ENOX1: variants seen among roughly 807,000 people sequenced by gnomAD.
ENOX1 encodes the protein ecto-NOX disulfide-thiol exchanger 1.
In ENOX1, 42 loss-of-function variants were observed where a neutral mutation model predicts 82.5. That is an observed-to-expected ratio of 0.51 (90% CI 0.40 to 0.66). The LOEUF is 0.66. Ranked by LOEUF, ENOX1 falls within the 30% of genes least tolerant of loss-of-function variation. ENOX1 has a pLI of 0.00. For synonymous variants in ENOX1, 271 were observed against 282.2 expected (o/e 0.96, Z 0.40); for missense variants, 608 against 811.6 (o/e 0.75, Z 3.05).
chr13:43,462,659 G>A lies in ENOX1; in HGVS notation c.-75+21350C>T, dbSNP rs143099277. ...AACATTATGTGCAAACAAATTCTTC[G>A]AGAGGGTAGCAAATAAAGTTTATGT... is the stretch of plus-strand genomic sequence containing the variant. On this transcript the variant is annotated intron_variant, in intron 3 of 16. Transcript: ENST00000690772. 3.9e-3 allele frequency among the ~76,000 whole-genome samples: 591 copies of A among 152,256 alleles called. 4 individuals carry two copies. The highest frequency in any genetic ancestry group is 0.013 in the African/African-American group (542 of 41,536).
chr13:43,706,112 CAT>C (rs1440361676), intron 1 of ENOX1, among the ~76,000 whole-genome samples: 2 of 151,508 alleles, frequency 1.3e-5, no homozygotes, highest in African/African-American at 2.4e-5. Context: ...ATAATAATAA[CAT>C]ATAAAAATGT....
rs1339627033 is a variant in ENOX1, at chr13:43,344,583, C to T, written c.991G>A (p.Ala331Thr). Residue 331 changes from alanine to threonine, a missense_variant, in exon 9 of 17, where the codon GCC (alanine) becomes ACC (threonine). Ala to Thr is a moderately conservative substitution (Grantham distance 58). Transcript: ENST00000690772. ...AAGGCATTTTTAAAATTCTCCTTGG[C>T]TTCCTCCATCTCTTGCTCATGGGTG... ...KATHEQEMEEAKENFKNALTG... is the reference protein window; with the variant it reads ...KATHEQEMEETKENFKNALTG... 6.2e-7 allele frequency: 1 copy of T among 1,614,180 alleles called. No individual in the cohort carries two copies. Among genetic ancestry groups the T allele is most frequent in the Non-Finnish European group, 8.5e-7 (1 of 1,180,026 alleles).
chr13:43,729,205 C>CAAA (rs1452520891), intron 1 of ENOX1, among the ~76,000 whole-genome samples: 3 of 152,102 alleles, frequency 2.0e-5, no homozygotes, highest in Non-Finnish European at 4.4e-5. Flanking sequence ...AATATGTACT[C>CAAA]TGGATGTAAT....
intron 1 of ENOX1, among the ~76,000 whole-genome samples, chr13:43,747,150 T>C (rs1352736487): frequency 6.6e-6 from 1 of 152,140 alleles, no homozygotes. Context: ...CACTTCAGAT[T>C]CCTAGTCTGA....
chr13:43,507,114 A>G (rs939899258), intron 2 of ENOX1, among the ~76,000 whole-genome samples: 2 of 151,938 alleles, frequency 1.3e-5, no homozygotes, highest in African/African-American at 4.8e-5. Context: ...CAATATAAAG[A>G]AAATTGTGTT....
chr13:43,555,277 A>G (rs1364647695), intron 2 of ENOX1, among the ~76,000 whole-genome samples: 1 of 152,254 alleles, frequency 6.6e-6, no homozygotes, highest in African/African-American at 2.4e-5. Context: ...CATCAGCCGT[A>G]TATGTGTCCT....
intron 3 of ENOX1, among the ~76,000 whole-genome samples, chr13:43,453,468 G>C (rs2057072378): frequency 6.6e-6 from 1 of 152,138 alleles, no homozygotes; most frequent in African/African-American, 2.4e-5. Context: ...TGACAGAGTG[G>C]ATTTCACCTT....
At chr13:43,688,847 C>T (rs1275300035) in intron 1 of ENOX1, among the ~76,000 whole-genome samples, 2 of 152,146 alleles carry the variant, frequency 1.3e-5, no homozygotes, top group Non-Finnish European at 2.9e-5. Flanking sequence ...CAAGATGTGT[C>T]TAATAAGCAG....
intron 2 of ENOX1, among the ~76,000 whole-genome samples, chr13:43,620,821 C>A (rs1466549742): frequency 6.6e-6 from 1 of 152,060 alleles, no homozygotes; most frequent in Non-Finnish European, 1.5e-5. Context: ...GTCTTGATGA[C>A]CTGCCTAGTG....
chr13:43,668,442 A>T (rs1032521), intron 1 of ENOX1, among the ~76,000 whole-genome samples: 31,112 of 152,112 alleles, frequency 0.2, 4,077 homozygotes, highest in African/African-American at 0.37. Context: ...TCTGGAAACA[A>T]ATATTCTACT....
intron 14 of ENOX1, among the ~76,000 whole-genome samples, chr13:43,243,582 C>T (rs1414273057): frequency 6.6e-6 from 1 of 152,210 alleles, no homozygotes; most frequent in Non-Finnish European, 1.5e-5. Flanking sequence ...GCCACTGCAC[C>T]TGGCAGATTT....
At chr13:43,654,191 G>C (rs1301983225) in intron 2 of ENOX1, among the ~76,000 whole-genome samples, 2 of 152,138 alleles carry the variant, frequency 1.3e-5, no homozygotes, top group East Asian at 3.9e-4. Flanking sequence ...ATCAGGTGAA[G>C]GCCTTAAGAG....
intron 3 of ENOX1, among the ~76,000 whole-genome samples, chr13:43,471,440 G>GT (rs2058062986): frequency 1.3e-5 from 2 of 152,042 alleles, no homozygotes; most frequent in Admixed American, 1.3e-4. Flanking sequence ...ACAAAGAATC[G>GT]TAAAATTTAA....
intron 14 of ENOX1, among the ~76,000 whole-genome samples, chr13:43,239,370 T>C (rs2042706170): frequency 6.6e-6 from 1 of 152,154 alleles, no homozygotes; most frequent in Non-Finnish European, 1.5e-5. Context: ...AGGTTGGAGA[T>C]GGAGCTGTTT....
Position 43,222,460 on chromosome 13 carries a change from A to C in ENOX1, c.1800+1593T>G, listed in dbSNP as rs1431318322. Among the ~76,000 whole-genome samples, 3 of 152,046 alleles carry C rather than the reference A, an allele frequency of 2.0e-5. No individual in the cohort carries two copies. The East Asian group carries it at 5.8e-4, about 29-fold the overall frequency. On this transcript the variant is annotated intron_variant, in intron 16 of 16. Transcript: ENST00000690772. ...ATAGATTCTCAGCCTGCGATGATGG[A>C]GTGGAGGAAACAAAGTGTCCTGAAA...
At chr13:43,569,524 A>G (rs1442481512) in intron 2 of ENOX1, among the ~76,000 whole-genome samples, 1 of 152,208 alleles carries the variant, frequency 6.6e-6, no homozygotes, top group Non-Finnish European at 1.5e-5. Flanking sequence ...CTCACAGATT[A>G]AGATAAAAGA....
chr13:43,531,797 C>A lies in ENOX1; in HGVS notation c.-218-47645G>T, dbSNP rs866827825. 2.3e-3 allele frequency among the ~76,000 whole-genome samples: 343 copies of A among 150,396 alleles called. 3 individuals are homozygous for A. In the Middle Eastern group the frequency reaches 0.031, roughly 13 times the overall value. On this transcript the variant is annotated intron_variant, in intron 2 of 16. Transcript: ENST00000690772. ...TAGGGACATGGATGAAGCTGGAAACCATCATTCTCAGCAAACTATCGCAAG... is the reference window on the plus strand; with the variant it reads ...TAGGGACATGGATGAAGCTGGAAACAATCATTCTCAGCAAACTATCGCAAG...
In ENOX1 at chr13:43,491,359, C is replaced by G. The variant is rs192773500; in HGVS notation, c.-218-7207G>C. Among the ~76,000 whole-genome samples the G allele has an allele frequency of 2.2e-4, 33 of 152,284 alleles. No homozygotes were observed. The South Asian group carries it at 3.7e-3, about 17-fold the overall frequency. Reference sequence around the variant, plus strand: ...ATTTCAACATGAGATTTGGAGGGGACAAACATCCAAATCATATCAACCATA... The same window carrying G: ...ATTTCAACATGAGATTTGGAGGGGAGAAACATCCAAATCATATCAACCATA... On this transcript the variant is annotated intron_variant, in intron 2 of 16. Transcript: ENST00000690772.
At chr13:43,706,771 A>G (rs1163662906) in intron 1 of ENOX1, among the ~76,000 whole-genome samples, 3 of 152,034 alleles carry the variant, frequency 2.0e-5, no homozygotes, top group Non-Finnish European at 4.4e-5. Context: ...ATCTAAAAAA[A>G]ATCTCACTCT....
Sources: gnomAD v4.1 joint callset for allele counts (sites outside exome capture counted in the v4.1 genomes callset) on GRCh38, gnomAD v4.1.1 for gene constraint, MANE v1.5 for transcripts, NCBI Gene and HGNC (gene_info 2026-07-23, HGNC 2026-07-21) for gene names.